CHD2: variants seen among roughly 807,000 people sequenced by gnomAD.
The protein encoded by CHD2 is chromodomain helicase DNA binding protein 2.
A neutral mutation model predicts 243.9 loss-of-function variants in CHD2; 28 were observed. That is an observed-to-expected ratio of 0.11 (90% CI 0.09 to 0.16). The LOEUF (loss-of-function observed/expected upper bound fraction) is 0.16. Ranked by LOEUF, CHD2 falls within the 10% of genes least tolerant of loss-of-function variation. CHD2 has a pLI of 1.00. For missense variants in CHD2, 1,386 were observed against 2,209.8 expected, an observed-to-expected ratio of 0.63 and a Z score of 7.47; for synonymous variants, 775 against 779.0, an observed-to-expected ratio of 0.99 and a Z score of 0.09.
chr15:92,984,466 A>T lies in CHD2; in HGVS notation c.3203A>T (p.Tyr1068Phe). Residue 1068 changes from tyrosine (Y) to phenylalanine (F), a missense_variant, in exon 25 of 39, where the codon TAT becomes TTT. Physicochemically the swap from Tyr to Phe is conservative, Grantham distance 22 (BLOSUM62 3). Around this residue, in one of 19 missense-constraint regions of CHD2, gnomAD observed 99 missense variants for 206.4 expected, o/e 0.48. Coordinates refer to ENST00000394196, the MANE Select transcript of CHD2 (RefSeq NM_001271.4). ...CGGCAGAAGGAGCTAGAAGAAATTT[A>T]TATGCTGCCTCGAATTCGGAGTTCC... Reference protein sequence around the residue: ...EERQKELEEIYMLPRIRSSTK... With the variant: ...EERQKELEEIFMLPRIRSSTK... 1 of 1,611,838 alleles carries T rather than the reference A, an allele frequency of 6.2e-7. No individual in the cohort carries two copies. The highest frequency in any genetic ancestry group is 8.5e-7 in the Non-Finnish European group (1 of 1,178,990).
At chr15:93,021,219 T>C (rs1260137124) in intron 38 of CHD2, 1 of 152,234 alleles carries the variant, frequency 6.6e-6, no homozygotes, top group East Asian at 1.9e-4. Context: ...TTCAGTGCTT[T>C]AAAGATGTAC....
intron 24 of CHD2, among the ~76,000 whole-genome samples, chr15:92,982,236 C>A (rs1272974089): frequency 6.6e-6 from 1 of 152,174 alleles, no homozygotes; most frequent in Admixed American, 6.5e-5. Context: ...AGGACAAGTA[C>A]ACTTTAGGGA....
chr15:92,934,523 G>A (rs1363245077), intron 5 of CHD2, among the ~76,000 whole-genome samples: 1 of 152,090 alleles, frequency 6.6e-6, no homozygotes. Flanking sequence ...ATTCTTTATT[G>A]TAGACTGACT....
At chr15:92,927,201 G>A (rs1481620383) in intron 3 of CHD2, 43 bp from the exon 4 acceptor site, 18 of 1,329,738 alleles carry the variant, frequency 1.4e-5, no homozygotes, top group Non-Finnish European at 1.7e-5. Flanking sequence ...ATAATAATGG[G>A]GGTCAAGAAA....
chr15:92,975,449 A>G (rs1412306873), intron 20 of CHD2, among the ~76,000 whole-genome samples: 2 of 152,220 alleles, frequency 1.3e-5, no homozygotes, highest in South Asian at 2.1e-4. Context: ...TGGGGGGCAC[A>G]TATAGAAGAG....
In CHD2 at chr15:93,004,653, A is replaced by G. The variant is rs368570245; in HGVS notation, c.4315A>G (p.Lys1439Glu). ...TGATGCCAAATCTTCGAGTAAATCA[A>G]AGCGATCTCAGGGTCCTGTCCATAT... ...SGDAKSSSKS[K>E]RSQGPVHITA... The change falls in exon 34 of 39, where the codon AAG becomes GAG. Residue 1439 changes from lysine (K) to glutamate (E), a missense_variant. Physicochemically the swap from Lys to Glu is moderately conservative, Grantham distance 56. Coordinates refer to ENST00000394196, the MANE Select transcript of CHD2 (RefSeq NM_001271.4). The G allele has an allele frequency of 3.9e-5, 63 of 1,613,162 alleles. No individual in the cohort carries two copies. The highest frequency in any genetic ancestry group is 5.1e-5 in the Non-Finnish European group (60 of 1,179,516).
rs1216474781 is a variant in CHD2, at chr15:92,972,799, C to T, written c.2505+382C>T. On this transcript the variant is annotated intron_variant, in intron 19 of 38. Coordinates refer to ENST00000394196, the MANE Select transcript of CHD2 (RefSeq NM_001271.4). ...CCGGGAGGCGGAGCTTGCAGTGAGC[C>T]GAGATCCCGCCACTGCACTCCAGCC... Among the ~76,000 whole-genome samples, 2 of 95,682 alleles carry T rather than the reference C, an allele frequency of 2.1e-5. 1 individual carries two copies. Among genetic ancestry groups the T allele is most frequent in the Non-Finnish European group, 4.5e-5 (2 of 44,800 alleles). 62.8% of individuals were successfully genotyped at this position (95,682 alleles called of 152,430 possible). A position where few individuals can be genotyped will look rare whatever the true frequency, so the allele number is the denominator to read the frequency against.
In CHD2 at chr15:92,939,697, G is replaced by A. The variant is rs770105179; in HGVS notation, c.671G>A (p.Arg224Gln). ...DDEAPKRQTRRRAAKNVSYKE... is the reference protein window; with the variant it reads ...DDEAPKRQTRQRAAKNVSYKE... ...GAAGCTCCCAAAAGGCAGACTCGTC[G>A]AAGAGCGGCTAAAAACGTTAGGTAA... The change falls in exon 7 of 39, where the codon CGA becomes CAA. Residue 224 changes from arginine to glutamine, a missense_variant. Coordinates refer to ENST00000394196, the MANE Select transcript of CHD2 (RefSeq NM_001271.4). 4 of 1,613,842 alleles carry A rather than the reference G, an allele frequency of 2.5e-6. No individual in the cohort carries two copies. The highest frequency in any genetic ancestry group is 2.5e-6 in the Non-Finnish European group (3 of 1,179,964).
chr15:92,905,225 G>C (rs2052598621), intron 2 of CHD2, among the ~76,000 whole-genome samples: 1 of 152,114 alleles, frequency 6.6e-6, no homozygotes. Context: ...GGGTCACTTG[G>C]CCAAATCTTC....
At position 92,948,187 on chromosome 15, in the gene CHD2, A is replaced by T. The variant is rs111958064; in HGVS notation, c.1378-765A>T. Among the ~76,000 whole-genome samples the T allele has an allele frequency of 8.4e-3, 1,281 of 152,312 alleles. 5 individuals are homozygous for T. Among genetic ancestry groups the T allele is most frequent in the Non-Finnish European group, 0.013 (897 of 68,010 alleles). ...CCTTCAGAAGCTTGTTTCTGAAGGG[A>T]AAACCAAATTCACGCAATTAAAGGG... On this transcript the variant is annotated intron_variant, in intron 12 of 38. Transcript: ENST00000394196.
intron 16 of CHD2, among the ~76,000 whole-genome samples, chr15:92,960,705 G>GTGTT (rs1555441239): frequency 9.7e-5 from 5 of 51,452 alleles, no homozygotes; most frequent in Non-Finnish European, 1.8e-4. Context: ...TCTGTTTGGT[G>GTGTT]TTTTTTTTTT....
At chr15:92,949,105 C>G in intron 13 of CHD2, 29 bp downstream of exon 13, 1 of 1,601,446 alleles carries the variant, frequency 6.2e-7, no homozygotes, top group Non-Finnish European at 8.5e-7. Flanking sequence ...GTGCAATTTT[C>G]CTTACTGTTT....
intron 33 of CHD2, among the ~76,000 whole-genome samples, chr15:93,003,092 A>G (rs1339875309): frequency 6.6e-6 from 1 of 152,134 alleles, no homozygotes; most frequent in African/African-American, 2.4e-5. Flanking sequence ...AGCCTTGGCA[A>G]CGTAGGGAGA....
At chr15:92,993,064 A>G in intron 28 of CHD2, 66 bp downstream of exon 28, 2 of 1,582,734 alleles carry the variant, frequency 1.3e-6, no homozygotes, top group Non-Finnish European at 1.7e-6. Context: ...TCTGTTGCTA[A>G]AGGGCGTTTT....
At chr15:92,937,010 A>G (rs2053278003) in intron 5 of CHD2, among the ~76,000 whole-genome samples, 1 of 152,114 alleles carries the variant, frequency 6.6e-6, no homozygotes, top group African/African-American at 2.4e-5. Flanking sequence ...ATGCTCCACC[A>G]GGCCTGGCTC....
intron 2 of CHD2, chr15:92,901,643 A>T: frequency 2.4e-6 from 1 of 412,630 alleles, no homozygotes; most frequent in Non-Finnish European, 4.2e-6. Flanking sequence ...CGGTTTAGCC[A>T]TTGCTGCATT....
chr15:92,962,412 CTG>C (rs1480576119), intron 16 of CHD2, among the ~76,000 whole-genome samples: 1 of 151,926 alleles, frequency 6.6e-6, no homozygotes, highest in Non-Finnish European at 1.5e-5. Context: ...TCTAAATTCT[CTG>C]TGATTTATTC....
chr15:92,952,094 A>C lies in CHD2; in HGVS notation c.1503-1263A>C, dbSNP rs369259679. Among the ~76,000 whole-genome samples, 88 of 152,294 alleles carry C rather than the reference A, an allele frequency of 5.8e-4. 1 individual carries two copies. Among genetic ancestry groups the C allele is most frequent in the African/African-American group, 2.1e-3 (87 of 41,560 alleles). Reference sequence around the variant, plus strand: ...AATCTGATGTCTTACATGTAATCCTAATTTCCTGCCAAAATGACTGTATTC... The same window carrying C: ...AATCTGATGTCTTACATGTAATCCTCATTTCCTGCCAAAATGACTGTATTC... On this transcript the variant is annotated intron_variant, in intron 13 of 38. Transcript: ENST00000394196.
intron 17 of CHD2, 105 bp downstream of exon 17, chr15:92,967,618 CAG>C (rs2053783104): frequency 4.3e-6 from 3 of 693,338 alleles, no homozygotes; most frequent in South Asian, 3.9e-5. Flanking sequence ...TTTTTGGAGA[CAG>C]AGTCTCGCGA....
Sources: allele counts gnomAD v4.1 joint callset (sites outside exome capture counted in the v4.1 genomes callset), GRCh38; gene constraint gnomAD v4.1.1; regional missense constraint gnomAD v4.1.1; transcripts MANE v1.5; gene names NCBI Gene and HGNC (gene_info 2026-07-23, HGNC 2026-07-21).